MPDZ: variants seen among roughly 807,000 people sequenced by gnomAD.
MPDZ encodes multiple PDZ domain crumbs cell polarity complex component, also known as multiple PDZ domain protein.
Under a neutral mutation model 239.1 loss-of-function variants are expected in MPDZ, and 234 were observed. The ratio of observed to expected loss-of-function variants is 0.98; its 90% CI spans 0.88 to 1.09. The LOEUF (loss-of-function observed/expected upper bound fraction) is 1.09, where lower values mean the gene tolerates loss of function less well. Among genes scored for constraint, MPDZ ranks in the 50% least tolerant of loss-of-function variants. The pLI is 0.00. For synonymous variants in MPDZ, 1,048 were observed against 881.3 expected, an observed-to-expected ratio of 1.19 and a Z score of -3.35; for missense variants, 3,175 against 2,510.0, an observed-to-expected ratio of 1.26 and a Z score of -5.66.
In MPDZ at chr9:13,204,116, T is replaced by TA. The variant is rs919086501; in HGVS notation, c.1546+919dup. Among the ~76,000 whole-genome samples the TA allele has an allele frequency of 1.1e-3, 161 of 152,038 alleles. 1 individual carries two copies. Among genetic ancestry groups the TA allele is most frequent in the African/African-American group, 3.7e-3 (154 of 41,392 alleles). On this transcript the variant is annotated intron_variant, in intron 12 of 46. Transcript: ENST00000319217. ...TCCAATAATGAAGGAACAGATATGT[T>TA]AAAAAACAACAAAGCTTCGGTATAA...
chr9:13,248,029 C>T (rs374000095), intron 2 of MPDZ, among the ~76,000 whole-genome samples: 43 of 152,124 alleles, frequency 2.8e-4, no homozygotes, highest in African/African-American at 9.6e-4. Context: ...GAGTTCGAGA[C>T]CAGCCTGGCC....
chr9:13,145,161 T>C (rs1385085436), intron 26 of MPDZ, among the ~76,000 whole-genome samples: 1 of 152,088 alleles, frequency 6.6e-6, no homozygotes, highest in Non-Finnish European at 1.5e-5. Flanking sequence ...AAATGGTAGA[T>C]TACTCTATTA....
intron 1 of MPDZ, among the ~76,000 whole-genome samples, chr9:13,275,084 C>A (rs757278913): frequency 6.6e-6 from 1 of 152,156 alleles, no homozygotes; most frequent in Admixed American, 6.5e-5. Context: ...CAAATTACCC[C>A]AGTAATGCTC....
At chr9:13,234,901 G>A (rs1478312088) in intron 3 of MPDZ, among the ~76,000 whole-genome samples, 1 of 151,910 alleles carries the variant, frequency 6.6e-6, no homozygotes, top group Admixed American at 6.6e-5. Context: ...TACCAAAAAT[G>A]CTGTAAAACA....
intron 39 of MPDZ, 63 bp downstream of exon 39, chr9:13,119,439 C>G: frequency 1.3e-6 from 2 of 1,532,146 alleles, no homozygotes; most frequent in Non-Finnish European, 1.8e-6. Context: ...TATGATAGCC[C>G]AATGTTAAAA....
Position 13,138,101 on chromosome 9 carries a change from T to G in MPDZ, c.4056A>C (p.Glu1352Asp). The G allele has an allele frequency of 1.9e-6, 3 of 1,612,256 alleles. No homozygotes were observed. In the South Asian group the frequency reaches 3.3e-5, roughly 18 times the overall value. Residue 1352 changes from glutamate to aspartate, a missense_variant, in exon 29 of 47, where the codon GAA becomes GAC. Glu to Asp is a conservative substitution (Grantham distance 45). Coordinates refer to ENST00000319217, the MANE Select transcript of MPDZ (RefSeq NM_001378778.1). The part of the protein sequence containing the change: ...GTLTGELHMI[E>D]LEKGHSGLGL... ...CCAAACCACTATGACCTTTCTCCAGTTCAATCATATGCAGCTCGCCTGTTA... is the reference window on the plus strand; with the variant it reads ...CCAAACCACTATGACCTTTCTCCAGGTCAATCATATGCAGCTCGCCTGTTA...
At chr9:13,108,377 T>C (rs1390591910) in intron 46 of MPDZ, among the ~76,000 whole-genome samples, 1 of 152,150 alleles carries the variant, frequency 6.6e-6, no homozygotes, top group Non-Finnish European at 1.5e-5. Flanking sequence ...ATACAGTCTT[T>C]TTAATTGAAT....
At chr9:13,186,682 A>AT (rs556959305) in intron 17 of MPDZ, among the ~76,000 whole-genome samples, 125 of 150,456 alleles carry the variant, frequency 8.3e-4, no homozygotes, top group Middle Eastern at 6.9e-3. Context: ...TTTTAAATGA[A>AT]TTTTTTTTTT....
At chr9:13,147,730 T>G (rs1948629449) in intron 25 of MPDZ, 72 bp from the exon 26 acceptor site, 1 of 1,115,510 alleles carries the variant, frequency 9.0e-7, no homozygotes, top group South Asian at 1.4e-5. Context: ...GATATGGAGT[T>G]TTAGGGATAC....
At chr9:13,120,571 A>G (rs575065714) in intron 38 of MPDZ, 2 of 152,170 alleles carry the variant, frequency 1.3e-5, no homozygotes, top group Non-Finnish European at 2.9e-5. Flanking sequence ...AAAAAAGTCT[A>G]TTTTTTAGAC....
At chr9:13,175,609 G>T in intron 21 of MPDZ, 143 bp downstream of exon 21, 2 of 813,332 alleles carry the variant, frequency 2.5e-6, no homozygotes, top group Non-Finnish European at 3.8e-6. Context: ...AAAATAATGA[G>T]GACATAGAAA....
chr9:13,179,860 T>C (rs1429775316), intron 19 of MPDZ, among the ~76,000 whole-genome samples: 1 of 152,144 alleles, frequency 6.6e-6, no homozygotes, highest in South Asian at 2.1e-4. Flanking sequence ...ACTAACTAAA[T>C]ACACGAGCAT....
At chr9:13,222,978 T>A (rs1959231747) in intron 5 of MPDZ, among the ~76,000 whole-genome samples, 1 of 151,630 alleles carries the variant, frequency 6.6e-6, no homozygotes, top group Non-Finnish European at 1.5e-5. Flanking sequence ...GCCACAACAA[T>A]AAAAAAATCA....
At chr9:13,274,674 T>C (rs1973765108) in intron 1 of MPDZ, 1 of 151,462 alleles carries the variant, frequency 6.6e-6, no homozygotes, top group South Asian at 2.1e-4. Context: ...TTATTAATCA[T>C]ATTTTCCCAA....
At chr9:13,268,768 A>G (rs1972346242) in intron 1 of MPDZ, among the ~76,000 whole-genome samples, 1 of 152,236 alleles carries the variant, frequency 6.6e-6, no homozygotes, top group Non-Finnish European at 1.5e-5. Flanking sequence ...ATTTGATGAC[A>G]GTGAGGCTGC....
chr9:13,118,091 G>A (rs562186764), intron 39 of MPDZ, among the ~76,000 whole-genome samples: 12 of 152,146 alleles, frequency 7.9e-5, no homozygotes, highest in African/African-American at 2.9e-4. Flanking sequence ...TGATCCACCC[G>A]CCTCAGCCTC....
intron 31 of MPDZ, chr9:13,135,498 CCT>C (rs1587094954): frequency 6.6e-6 from 1 of 152,278 alleles, no homozygotes; most frequent in Admixed American, 6.5e-5. Context: ...TCCCCTGCTA[CCT>C]CTGATTTTTC....
At position 13,250,317 on chromosome 9, in the gene MPDZ, T is replaced by G; in HGVS notation, c.-2A>C. ...AGTCTTACCAATGGCTTCCAACATTTTTTTCAAAGTTCAGTGTTCTTCTCT... is the reference window on the plus strand; with the variant it reads ...AGTCTTACCAATGGCTTCCAACATTGTTTTCAAAGTTCAGTGTTCTTCTCT... On this transcript the variant is annotated 5_prime_UTR_variant, in exon 2 of 47. Transcript: ENST00000319217. The G allele has an allele frequency of 6.3e-7, 1 of 1,590,362 alleles. No homozygotes were observed. Among genetic ancestry groups the G allele is most frequent in the Non-Finnish European group, 8.6e-7 (1 of 1,167,236 alleles).
chr9:13,214,626 A>G (rs1233966396), intron 10 of MPDZ, among the ~76,000 whole-genome samples: 1 of 152,076 alleles, frequency 6.6e-6, no homozygotes, highest in Non-Finnish European at 1.5e-5. Context: ...ATTGATTAAT[A>G]TAGATTACTT....
Sources: allele counts gnomAD v4.1 joint callset (sites outside exome capture counted in the v4.1 genomes callset), GRCh38; gene constraint gnomAD v4.1.1; transcripts MANE v1.5; gene names NCBI Gene and HGNC (gene_info 2026-07-23, HGNC 2026-07-21).